Variants in STK32B observed in about 807,000 individuals in gnomAD.
The protein encoded by STK32B is serine/threonine-protein kinase 32B.
Under a neutral mutation model 52.6 loss-of-function variants are expected in STK32B, and 43 were observed. The observed-to-expected ratio is 0.82, with a 90% CI of 0.64 to 1.05. The LOEUF (loss-of-function observed/expected upper bound fraction) is 1.05. Among genes scored for constraint, STK32B ranks in the 50% least tolerant of loss-of-function variants. The pLI is 0.00. For synonymous variants in STK32B, 238 were observed against 204.3 expected, an observed-to-expected ratio of 1.17 and a Z score of -1.41; for missense variants, 621 against 534.6, an observed-to-expected ratio of 1.16 and a Z score of -1.59.
At chr4:5,454,097 T>G (rs1716279250) in intron 7 of STK32B, among the ~76,000 whole-genome samples, 1 of 152,010 alleles carries the variant, frequency 6.6e-6, no homozygotes, top group Admixed American at 6.6e-5. Context: ...CCCATCTCTC[T>G]CCAAGACAGT....
Position 5,378,423 on chromosome 4 carries a change from A to ATT in STK32B, c.435-19778_435-19777dup, listed in dbSNP as rs541111550. On this transcript the variant is annotated intron_variant, in intron 4 of 11. Transcript: ENST00000282908. The surrounding 1 kb of genome is among the most constrained non-coding windows in gnomAD (Gnocchi z 4.4). ...AGCCCTGGACTTTGCATTTTATTTT[A>ATT]TTTTTTTCCTTTATGACGTGAGTTA... is the stretch of plus-strand genomic sequence containing the variant. Among the ~76,000 whole-genome samples, 646 of 152,016 alleles carry ATT rather than the reference A, an allele frequency of 4.2e-3. 2 individuals carry two copies. The highest frequency in any genetic ancestry group is 0.015 in the African/African-American group (616 of 41,438).
At chr4:5,127,095 G>C (rs757131509) in intron 1 of STK32B, 11 of 512,004 alleles carry the variant, frequency 2.1e-5, no homozygotes, top group African/African-American at 5.8e-5. Context: ...TTCATGAGCC[G>C]TGAAGGGAAC....
At chr4:5,139,177 G>A (rs1716253798) in intron 1 of STK32B, among the ~76,000 whole-genome samples, 1 of 152,110 alleles carries the variant, frequency 6.6e-6, no homozygotes, top group East Asian at 1.9e-4. Flanking sequence ...CCTGATGAAA[G>A]ACCGGATGTG....
At chr4:5,364,090 A>AC (rs33993400) in intron 4 of STK32B, among the ~76,000 whole-genome samples, 2,952 of 149,464 alleles carry the variant, frequency 0.02, 62 homozygotes, top group African/African-American at 0.06. Context: ...ACATTCACTG[A>AC]CCCCCCCCAC....
At chr4:5,086,386 T>C (rs1262049266) in intron 1 of STK32B, among the ~76,000 whole-genome samples, 1 of 152,182 alleles carries the variant, frequency 6.6e-6, no homozygotes, top group African/African-American at 2.4e-5. Flanking sequence ...TAAGGAAATC[T>C]CTTTATAGTC....
intron 3 of STK32B, among the ~76,000 whole-genome samples, chr4:5,242,643 G>T (rs1262944841): frequency 1.3e-5 from 2 of 152,132 alleles, no homozygotes; most frequent in African/African-American, 4.8e-5. Flanking sequence ...TAGACATGAC[G>T]TCCTTGCCCA....
At chr4:5,427,744 T>G (rs1165228505) in intron 6 of STK32B, among the ~76,000 whole-genome samples, 1 of 152,190 alleles carries the variant, frequency 6.6e-6, no homozygotes, top group East Asian at 1.9e-4. Context: ...TCTGTAGTGA[T>G]GTCCCCTCTT....
Position 5,400,945 on chromosome 4 carries a change from G to C in STK32B, c.472+2701G>C, listed in dbSNP as rs1291699113. ...GGGGAAGCTCAGGAGAGGTCGGGCA[G>C]AGGGGAGAGGGAAAGGTGTGTGCGG... On this transcript the variant is annotated intron_variant, in intron 5 of 11. Coordinates refer to ENST00000282908, the MANE Select transcript of STK32B (RefSeq NM_018401.3). The surrounding 1 kb of genome is among the most constrained non-coding windows in gnomAD (Gnocchi z 6.1). Among the ~76,000 whole-genome samples, 2 of 152,092 alleles carry C rather than the reference G, an allele frequency of 1.3e-5. No homozygotes were observed. The highest frequency in any genetic ancestry group is 2.4e-5 in the African/African-American group (1 of 41,402).
At chr4:5,408,564 G>A (rs1737826284) in intron 5 of STK32B, among the ~76,000 whole-genome samples, 2 of 152,228 alleles carry the variant, frequency 1.3e-5, no homozygotes, top group South Asian at 4.1e-4. Context: ...TCCTTTTATA[G>A]CAATGCGAGA....
intron 1 of STK32B, among the ~76,000 whole-genome samples, chr4:5,063,438 G>A (rs1742294428): frequency 6.6e-6 from 1 of 152,082 alleles, no homozygotes; most frequent in African/African-American, 2.4e-5. Context: ...CACCTCCCAG[G>A]CTCTAGTGAT....
chr4:5,205,612 T>C (rs139352803), intron 3 of STK32B, among the ~76,000 whole-genome samples: 58 of 152,212 alleles, frequency 3.8e-4, no homozygotes, highest in Non-Finnish European at 6.0e-4. Context: ...TGAGCTGTAA[T>C]TTCAGAGATT....
chr4:5,264,976 T>A (rs1406383958), intron 3 of STK32B, among the ~76,000 whole-genome samples: 2 of 152,198 alleles, frequency 1.3e-5, no homozygotes, highest in Non-Finnish European at 2.9e-5. Context: ...TTCTTTATGT[T>A]CATTGCTTCC....
At chr4:5,387,992 G>A (rs1269364437) in intron 4 of STK32B, among the ~76,000 whole-genome samples, 4 of 152,064 alleles carry the variant, frequency 2.6e-5, no homozygotes, top group Admixed American at 2.0e-4. Flanking sequence ...GATCCCGCCC[G>A]CCTCAGCCTC....
At chr4:5,274,625 G>A (rs1236341375) in intron 3 of STK32B, among the ~76,000 whole-genome samples, 1 of 152,198 alleles carries the variant, frequency 6.6e-6, no homozygotes, top group African/African-American at 2.4e-5. Context: ...GAGCACAGCG[G>A]GAGGGACAAG....
chr4:5,219,671 C>T (rs1020606703), intron 3 of STK32B, among the ~76,000 whole-genome samples: 1 of 152,200 alleles, frequency 6.6e-6, no homozygotes, highest in Admixed American at 6.5e-5. Context: ...GTAAGAAGTC[C>T]CTGTTAGGGC....
At chr4:5,136,357 G>T (rs558739116) in intron 1 of STK32B, among the ~76,000 whole-genome samples, 1 of 148,732 alleles carries the variant, frequency 6.7e-6, no homozygotes, top group African/African-American at 2.5e-5. Flanking sequence ...TACCCTAGTG[G>T]TACACTTTTA....
At chr4:5,239,754 A>C (rs1724881202) in intron 3 of STK32B, among the ~76,000 whole-genome samples, 2 of 151,104 alleles carry the variant, frequency 1.3e-5, no homozygotes, top group African/African-American at 4.9e-5. Context: ...ACTAAATAAG[A>C]GTCAGAATTT....
At chr4:5,298,678 G>C (rs570979265) in intron 3 of STK32B, among the ~76,000 whole-genome samples, 45 of 152,280 alleles carry the variant, frequency 3.0e-4, no homozygotes, top group African/African-American at 1.1e-3. Flanking sequence ...TTAGACTGCT[G>C]TGCTGGCAGC....
chr4:5,342,218 A>G (rs895693636), intron 4 of STK32B, among the ~76,000 whole-genome samples: 5 of 152,190 alleles, frequency 3.3e-5, no homozygotes, highest in African/African-American at 1.2e-4. Flanking sequence ...CCAAAGGTTT[A>G]TAAATCATGC....
Sources: gnomAD v4.1 joint callset for allele counts (sites outside exome capture counted in the v4.1 genomes callset) on GRCh38, gnomAD v4.1.1 for gene constraint, Gnocchi (gnomAD v3.1) non-coding constraint, MANE v1.5 for transcripts, NCBI Gene and HGNC (gene_info 2026-07-23, HGNC 2026-07-21) for gene names.